Variants in GALNT13 observed in about 807,000 individuals in gnomAD.
The protein encoded by GALNT13 is UDP-GalNAc:polypeptide N-acetylgalactosaminyltransferase 13.
GALNT13 carries 28 observed loss-of-function variants against 64.2 expected under a neutral mutation model. That is an observed-to-expected ratio of 0.44 (90% confidence interval 0.32 to 0.60). GALNT13 has a LOEUF of 0.60. GALNT13 is among the 20% of genes least tolerant of loss of function. The probability of loss-of-function intolerance (pLI) is 0.05; values close to 1 mark genes in which losing one functional copy is unlikely to be tolerated. For missense variants in GALNT13, 577 were observed against 669.8 expected, an observed-to-expected ratio of 0.86 and a Z score of 1.53; for synonymous variants, 214 against 224.6, an observed-to-expected ratio of 0.95 and a Z score of 0.42.
chr2:154,267,045 C>T lies in GALNT13; in HGVS notation c.975+7907C>T, dbSNP rs140667882. ...TGAAAATCTGGAAATAAACTTAACACATACGTGGACAACTGATTTCTAACA... is the reference window on the plus strand; with the variant it reads ...TGAAAATCTGGAAATAAACTTAACATATACGTGGACAACTGATTTCTAACA... On this transcript the variant is annotated intron_variant, in intron 8 of 12. Coordinates refer to ENST00000392825, the MANE Select transcript of GALNT13 (RefSeq NM_052917.4). Among the ~76,000 whole-genome samples, 157 of 152,080 alleles carry T rather than the reference C, an allele frequency of 1.0e-3. 1 individual carries two copies. Among genetic ancestry groups the T allele is most frequent in the African/African-American group, 3.6e-3 (151 of 41,522 alleles).
At chr2:154,446,822 T>A in intron 12 of GALNT13, 1 of 1,422,916 alleles carries the variant, frequency 7.0e-7, no homozygotes, top group Non-Finnish European at 9.2e-7. Context: ...GTTCAGTTAT[T>A]GAAATCTGGA....
intron 4 of GALNT13, among the ~76,000 whole-genome samples, chr2:154,233,036 TCAAAAA>T (rs1218300171): frequency 2.6e-5 from 2 of 78,118 alleles, no homozygotes; most frequent in Non-Finnish European, 4.7e-5. Flanking sequence ...TGACCCTGTC[TCAAAAA>T]AAAAAAAAAA....
At chr2:154,199,756 C>A (rs1687074590) in intron 4 of GALNT13, among the ~76,000 whole-genome samples, 1 of 151,938 alleles carries the variant, frequency 6.6e-6, no homozygotes. Flanking sequence ...TGCAGGGAAT[C>A]TGCAATTTTC....
At chr2:153,720,158 C>G in the GALNT13 span, among the ~76,000 whole-genome samples, 4 of 145,890 alleles carry the variant, frequency 2.7e-5, no homozygotes, top group Non-Finnish European at 4.5e-5. Context: ...TGACCCCTGA[C>G]CCCCGAGCAG....
the GALNT13 span, among the ~76,000 whole-genome samples, chr2:153,393,517 T>C: frequency 1.3e-5 from 2 of 152,142 alleles, no homozygotes; most frequent in Non-Finnish European, 2.9e-5. Flanking sequence ...GTTCCGTTGC[T>C]GTATAAATAC....
the GALNT13 span, among the ~76,000 whole-genome samples, chr2:153,685,946 CAGTT>C: frequency 3.3e-5 from 5 of 151,868 alleles, no homozygotes; most frequent in African/African-American, 1.2e-4. Flanking sequence ...AAAGATCAGA[CAGTT>C]AGAAGTGTGC....
chr2:153,113,216 C>T, the GALNT13 span, among the ~76,000 whole-genome samples: 2 of 152,040 alleles, frequency 1.3e-5, no homozygotes, highest in Non-Finnish European at 2.9e-5. Flanking sequence ...CCTCCTCTCC[C>T]CATTATTACC....
At chr2:154,254,392 A>G (rs1690256026) in intron 7 of GALNT13, among the ~76,000 whole-genome samples, 1 of 152,136 alleles carries the variant, frequency 6.6e-6, no homozygotes, top group Non-Finnish European at 1.5e-5. Flanking sequence ...TAACATTTTT[A>G]GAGGATCATC....
chr2:154,346,773 T>C (rs910475565), intron 9 of GALNT13, among the ~76,000 whole-genome samples: 46 of 152,148 alleles, frequency 3.0e-4, no homozygotes, highest in Non-Finnish European at 4.0e-4. Context: ...AACACTATAT[T>C]CACAGTCTGC....
At chr2:153,421,092 T>C in the GALNT13 span, 1 of 256,180 alleles carries the variant, frequency 3.9e-6, no homozygotes, top group South Asian at 5.2e-5. Context: ...GTATTTACCA[T>C]AGTGAGAGTC....
At chr2:153,274,422 A>G in the GALNT13 span, among the ~76,000 whole-genome samples, 1 of 152,180 alleles carries the variant, frequency 6.6e-6, no homozygotes, top group Non-Finnish European at 1.5e-5. Flanking sequence ...TTTTGCTTCG[A>G]ACAGGCAGAA....
the GALNT13 span, among the ~76,000 whole-genome samples, chr2:153,840,422 T>C: frequency 2.0e-5 from 3 of 152,126 alleles, no homozygotes; most frequent in Non-Finnish European, 4.4e-5. Context: ...GTAATCTATA[T>C]AATAAAGCAA....
intron 4 of GALNT13, among the ~76,000 whole-genome samples, chr2:154,169,464 C>CA (rs1685234038): frequency 6.6e-6 from 1 of 152,130 alleles, no homozygotes; most frequent in Non-Finnish European, 1.5e-5. Flanking sequence ...CAGCAGCATA[C>CA]CACTGAGTTG....
the GALNT13 span, among the ~76,000 whole-genome samples, chr2:153,402,660 C>T: frequency 2.0e-5 from 3 of 152,122 alleles, no homozygotes; most frequent in East Asian, 1.9e-4. Flanking sequence ...CTTCCCTTCT[C>T]GCTTCATTTC....
At chr2:153,762,839 C>G in the GALNT13 span, among the ~76,000 whole-genome samples, 2 of 151,048 alleles carry the variant, frequency 1.3e-5, no homozygotes, top group East Asian at 4.0e-4. Context: ...CCTCTATTGC[C>G]ATCATCATTT....
At chr2:153,294,551 A>T in the GALNT13 span, among the ~76,000 whole-genome samples, 1 of 152,156 alleles carries the variant, frequency 6.6e-6, no homozygotes, top group African/African-American at 2.4e-5. Flanking sequence ...GTGCACTGAC[A>T]TGTCTTTGAA....
chr2:153,473,049 G>A, the GALNT13 span, among the ~76,000 whole-genome samples: 1 of 152,074 alleles, frequency 6.6e-6, no homozygotes. Flanking sequence ...TGGGGGGCTA[G>A]GGGAGGGATA....
At chr2:153,896,709 G>A (rs1017884423) in intron 1 of GALNT13, among the ~76,000 whole-genome samples, 1 of 152,014 alleles carries the variant, frequency 6.6e-6, no homozygotes, top group Non-Finnish European at 1.5e-5. Flanking sequence ...TACCCGATAG[G>A]TAGTTTTTTG....
intron 7 of GALNT13, among the ~76,000 whole-genome samples, chr2:154,255,445 T>G (rs1559051203): frequency 6.6e-6 from 1 of 152,130 alleles, no homozygotes; most frequent in Non-Finnish European, 1.5e-5. Flanking sequence ...AGAACTTAAT[T>G]CAGCAGGCTT....
Sources: gnomAD v4.1 joint callset for allele counts (sites outside exome capture counted in the v4.1 genomes callset) on GRCh38, gnomAD v4.1.1 for gene constraint, MANE v1.5 for transcripts, NCBI Gene and HGNC (gene_info 2026-07-23, HGNC 2026-07-21) for gene names.